MORC3: variants seen among roughly 807,000 people sequenced by gnomAD.
MORC3 encodes the protein MORC family CW-type zinc finger 3.
MORC3 carries 31 observed loss-of-function variants against 109.1 expected under a neutral mutation model. The ratio of observed to expected loss-of-function variants is 0.28; its 90% confidence interval spans 0.21 to 0.38. The LOEUF is 0.38. Ranked by LOEUF, MORC3 falls within the 10% of genes least tolerant of loss-of-function variation. The pLI is 1.00. For synonymous variants in MORC3, 395 were observed against 380.7 expected (o/e 1.04, Z -0.44); for missense variants, 867 against 1,135.8 (o/e 0.76, Z 3.40).
At position 36,372,507 on chromosome 21, in the gene MORC3, C is replaced by A; in HGVS notation, c.2642C>A (p.Ser881Tyr). 6.3e-7 allele frequency: 1 copy of A among 1,587,508 alleles called. No homozygotes were observed. Among genetic ancestry groups the A allele is most frequent in the South Asian group, 1.2e-5 (1 of 85,534 alleles). The change falls in exon 16 of 17, where the codon TCT becomes TAT. Residue 881 changes from serine to tyrosine, a missense_variant. By Grantham distance (144) the Ser-to-Tyr change is moderately radical. Coordinates refer to ENST00000400485, the MANE Select transcript of MORC3 (RefSeq NM_015358.3). Reference sequence around the variant, plus strand: ...TCAACATCAAGTAACATTGAGGAGTCTGTAAATCATATGGATGGAGAAAGG... The same window carrying A: ...TCAACATCAAGTAACATTGAGGAGTATGTAAATCATATGGATGGAGAAAGG... ...DVSTSSNIEE[S>Y]VNHMDGESLK...
intron 9 of MORC3, among the ~76,000 whole-genome samples, chr21:36,350,512 C>A (rs959070940): frequency 6.8e-6 from 1 of 147,692 alleles, no homozygotes; most frequent in Non-Finnish European, 1.5e-5. Flanking sequence ...TCACTGCATT[C>A]CCGCGCTGGT....
chr21:36,349,034 TC>T (rs1480367195), intron 8 of MORC3, among the ~76,000 whole-genome samples: 1 of 151,954 alleles, frequency 6.6e-6, no homozygotes, highest in Non-Finnish European at 1.5e-5. Context: ...CGCCTGTACT[TC>T]CAGCTACTCG....
chr21:36,332,863 C>T (rs1391373894), intron 1 of MORC3, among the ~76,000 whole-genome samples: 1 of 150,700 alleles, frequency 6.6e-6, no homozygotes, highest in East Asian at 2.0e-4. Flanking sequence ...TCTTGGCTCA[C>T]TGCAAGCTCC....
At chr21:36,344,748 G>A in intron 7 of MORC3, 41 bp downstream of exon 7, 1 of 1,607,572 alleles carries the variant, frequency 6.2e-7, no homozygotes, top group East Asian at 2.2e-5. Flanking sequence ...TGTTAGTCAG[G>A]TGTATTCTCT....
intron 14 of MORC3, among the ~76,000 whole-genome samples, chr21:36,367,159 A>C (rs893956244): frequency 6.6e-6 from 1 of 152,286 alleles, no homozygotes; most frequent in Non-Finnish European, 1.5e-5. Flanking sequence ...TACTTTATGG[A>C]GCAGTTTTTA....
At chr21:36,320,995 G>A (rs1427793213) in intron 1 of MORC3, among the ~76,000 whole-genome samples, 1 of 152,126 alleles carries the variant, frequency 6.6e-6, no homozygotes. Context: ...AGGAAATGTG[G>A]GCGTGGCTTC....
At chr21:36,357,482 G>A (rs961569846) in intron 10 of MORC3, among the ~76,000 whole-genome samples, 4 of 151,762 alleles carry the variant, frequency 2.6e-5, no homozygotes, top group African/African-American at 4.8e-5. Flanking sequence ...TGGTCTCAAT[G>A]TCCTGGGTCC....
intron 9 of MORC3, among the ~76,000 whole-genome samples, chr21:36,351,734 G>T (rs2085575214): frequency 6.6e-6 from 1 of 152,162 alleles, no homozygotes; most frequent in African/African-American, 2.4e-5. Flanking sequence ...CACTATTAGT[G>T]GGAAAGTAAA....
chr21:36,352,246 A>G (rs935274782), intron 9 of MORC3, among the ~76,000 whole-genome samples: 16 of 152,212 alleles, frequency 1.1e-4, no homozygotes, highest in African/African-American at 3.9e-4. Flanking sequence ...AAAGGGCATA[A>G]TAACAGAGTA....
chr21:36,352,681 T>A (rs1048308992), intron 9 of MORC3, among the ~76,000 whole-genome samples: 3 of 152,166 alleles, frequency 2.0e-5, no homozygotes, highest in Non-Finnish European at 4.4e-5. Context: ...TAGTTGACAA[T>A]GTTAAGTACC....
At position 36,344,677 on chromosome 21, in the gene MORC3, C is replaced by T. The variant is rs1380572025; in HGVS notation, c.855C>T (p.Ile285=). 2.5e-6 allele frequency: 4 copies of T among 1,613,744 alleles called. No homozygotes were observed. The highest frequency in any genetic ancestry group is 1.3e-5 in the African/African-American group (1 of 74,902). Residue 285 remains isoleucine, a synonymous_variant, in exon 7 of 17, where the codon ATC becomes ATT. Transcript: ENST00000400485. The stretch of plus-strand genomic sequence containing the variant: ...TGGTTTCGAAGAGTCTTGCCTACAT[C>T]GAACGTGATGTTTATCGACCAAAAT... ...TQLVSKSLAY[I]ERDVYRPKFL...
At chr21:36,343,346 G>A (rs1389274870) in intron 6 of MORC3, among the ~76,000 whole-genome samples, 1 of 151,990 alleles carries the variant, frequency 6.6e-6, no homozygotes, top group Admixed American at 6.6e-5. Flanking sequence ...TGCCTGCCTC[G>A]GCCTCACAAA....
At chr21:36,335,784 A>G (rs2085369384) in intron 2 of MORC3, among the ~76,000 whole-genome samples, 1 of 152,236 alleles carries the variant, frequency 6.6e-6, no homozygotes, top group Non-Finnish European at 1.5e-5. Context: ...AAGAAATAGT[A>G]GAAAGTAAAT....
chr21:36,360,038 A>G lies in MORC3; in HGVS notation c.1292A>G (p.Glu431Gly). 1 of 1,614,152 alleles carries G rather than the reference A, an allele frequency of 6.2e-7. No individual in the cohort carries two copies. Among genetic ancestry groups the G allele is most frequent in the Non-Finnish European group, 8.5e-7 (1 of 1,180,020 alleles). ...CCTGATGGGATGGATCAACTTCCTG[A>G]AAAATGGTATTGCTCCAATAACCCT... The part of the protein sequence containing the change: ...KLPDGMDQLP[E>G]KWYCSNNPDP... Residue 431 changes from glutamate to glycine, a missense_variant, in exon 11 of 17, where the codon GAA (glutamate) becomes GGA (glycine). Around this residue, in one of 7 missense-constraint regions of MORC3, gnomAD observed 120 missense variants for 259.7 expected, o/e 0.46. Transcript: ENST00000400485.
rs186024087 is a variant in MORC3 at position 36,332,133 on chromosome 21, T to C, written c.40-1513T>C. ...TGCAGCCTGGGCAGCAGAGAGAGAC[T>C]ATCTCTGAAAAAAATAAGAGGCTGG... On this transcript the variant is annotated intron_variant, in intron 1 of 16. Coordinates refer to ENST00000400485, the MANE Select transcript of MORC3 (RefSeq NM_015358.3). Among the ~76,000 whole-genome samples the C allele has an allele frequency of 2.7e-5, 4 of 150,284 alleles. No homozygotes were observed. The East Asian group carries it at 5.9e-4, about 22-fold the overall frequency.
chr21:36,365,258 G>A (rs2146335554), intron 14 of MORC3, among the ~76,000 whole-genome samples: 1 of 152,238 alleles, frequency 6.6e-6, no homozygotes, highest in East Asian at 1.9e-4. Context: ...TGATGAGGTG[G>A]TACTTACGTT....
chr21:36,326,818 AT>A (rs879920096), intron 1 of MORC3, among the ~76,000 whole-genome samples: 3,826 of 144,260 alleles, frequency 0.027, 55 homozygotes, highest in Admixed American at 0.05. Flanking sequence ...AAATTTAAAG[AT>A]TTTTTTTTTT....
chr21:36,321,738 C>T (rs1297138083), intron 1 of MORC3, among the ~76,000 whole-genome samples: 2 of 152,064 alleles, frequency 1.3e-5, no homozygotes, highest in Non-Finnish European at 2.9e-5. Flanking sequence ...CTTCTCTCTC[C>T]TTCCTCTCTC....
At chr21:36,370,638 T>TA (rs763788996) in intron 15 of MORC3, among the ~76,000 whole-genome samples, 1 of 24,232 alleles carries the variant, frequency 4.1e-5, no homozygotes, top group African/African-American at 1.3e-4. Flanking sequence ...TATATATATA[T>TA]ATTTTTTTTT....
Sources: allele counts gnomAD v4.1 joint callset (sites outside exome capture counted in the v4.1 genomes callset), GRCh38; gene constraint gnomAD v4.1.1; regional missense constraint gnomAD v4.1.1; transcripts MANE v1.5; gene names NCBI Gene and HGNC (gene_info 2026-07-23, HGNC 2026-07-21).